The following MKLN1 variants were observed in gnomAD, a reference collection of about 807,000 sequenced individuals.
MKLN1 encodes the protein muskelin 1, also known as muskelin.
MKLN1 carries 18 observed loss-of-function variants against 99.0 expected under a neutral mutation model. That is an observed-to-expected ratio of 0.18 (90% confidence interval 0.13 to 0.27). MKLN1 has a LOEUF of 0.27. Among genes scored for constraint, MKLN1 ranks in the 10% least tolerant of loss-of-function variants. The pLI, the probability that MKLN1 is intolerant of heterozygous loss-of-function variation, is 1.00. For missense variants in MKLN1, 621 were observed against 875.9 expected, an observed-to-expected ratio of 0.71 and a Z score of 3.67; for synonymous variants, 288 against 293.2, an observed-to-expected ratio of 0.98 and a Z score of 0.18.
chr7:131,181,034 T>C (rs887214398), intron 2 of MKLN1, among the ~76,000 whole-genome samples: 3 of 152,314 alleles, frequency 2.0e-5, no homozygotes, highest in Non-Finnish European at 2.9e-5. Context: ...CACCATATAT[T>C]TTGGGGGTAA....
intron 3 of MKLN1, among the ~76,000 whole-genome samples, chr7:131,272,854 G>C (rs1280711934): frequency 6.6e-6 from 1 of 152,060 alleles, no homozygotes; most frequent in Non-Finnish European, 1.5e-5. Context: ...CCCCTCCCCG[G>C]GTCCCTCCCA....
intron 2 of MKLN1, among the ~76,000 whole-genome samples, chr7:131,182,289 T>A (rs1376534791): frequency 1.3e-5 from 2 of 152,228 alleles, no homozygotes; most frequent in Admixed American, 1.3e-4. Context: ...TTCCCATAGC[T>A]TTCAGGAATA....
upstream of MKLN1, among the ~76,000 whole-genome samples, chr7:131,326,592 A>G (rs4728219): frequency 0.95 from 144,887 of 152,246 alleles, 68,971 homozygotes; most frequent in East Asian, 1. Flanking sequence ...TGATCCACCC[A>G]CCTCAGCCTC....
intron 3 of MKLN1, among the ~76,000 whole-genome samples, chr7:131,204,227 G>A (rs937204065): frequency 2.0e-5 from 3 of 152,120 alleles, no homozygotes; most frequent in South Asian, 2.1e-4. Flanking sequence ...CAGCACCATC[G>A]AATCTTGGTC....
At chr7:131,442,376 C>T (rs965774579) in intron 10 of MKLN1, among the ~76,000 whole-genome samples, 1 of 152,024 alleles carries the variant, frequency 6.6e-6, no homozygotes, top group African/African-American at 2.4e-5. Context: ...GGAGTAACAC[C>T]ATCTCTACTA....
chr7:131,444,406 T>G (rs1795934051), intron 11 of MKLN1, among the ~76,000 whole-genome samples: 1 of 151,936 alleles, frequency 6.6e-6, no homozygotes, highest in Non-Finnish European at 1.5e-5. Context: ...CATGAGCCAC[T>G]GTACCTGGCC....
At chr7:131,162,583 G>A (rs1188387524) in intron 2 of MKLN1, among the ~76,000 whole-genome samples, 3 of 152,170 alleles carry the variant, frequency 2.0e-5, no homozygotes, top group Non-Finnish European at 4.4e-5. Context: ...TTCAGGCCAT[G>A]TGTATAATAT....
intron 3 of MKLN1, among the ~76,000 whole-genome samples, chr7:131,213,817 C>T (rs951958067): frequency 3.9e-5 from 6 of 152,092 alleles, no homozygotes; most frequent in African/African-American, 1.4e-4. Context: ...TTTCTTATTG[C>T]TTCGCATGAG....
chr7:131,149,850 G>A (rs1454552967), intron 2 of MKLN1, among the ~76,000 whole-genome samples: 1 of 152,152 alleles, frequency 6.6e-6, no homozygotes, highest in South Asian at 2.1e-4. Context: ...AACTTTCTCA[G>A]GTTGACCTTT....
chr7:131,154,904 C>T (rs933108850), intron 2 of MKLN1, among the ~76,000 whole-genome samples: 3 of 152,098 alleles, frequency 2.0e-5, no homozygotes, highest in African/African-American at 7.2e-5. Flanking sequence ...CAGATCACCT[C>T]CAGAAAGGTT....
chr7:131,431,779 A>T (rs1405844528), intron 9 of MKLN1, among the ~76,000 whole-genome samples: 6 of 152,202 alleles, frequency 3.9e-5, no homozygotes, highest in Admixed American at 2.0e-4. Context: ...GAAATTTCTC[A>T]TCAAGATTTG....
intron 1 of MKLN1, 84 bp downstream of exon 1, chr7:131,328,081 G>A (rs1336052325): frequency 4.0e-6 from 6 of 1,514,486 alleles, no homozygotes; most frequent in African/African-American, 2.8e-5. Context: ...GGGCAGCCGA[G>A]CCGAGAGGCC....
chr7:131,120,170 C>CTAA (rs1795341482), intron 1 of MKLN1, among the ~76,000 whole-genome samples: 1 of 76,514 alleles, frequency 1.3e-5, no homozygotes, highest in Non-Finnish European at 2.3e-5. Flanking sequence ...GACTCCATCT[C>CTAA]AAAAAAAAAA....
At chr7:131,412,667 G>T (rs905309638) in intron 7 of MKLN1, among the ~76,000 whole-genome samples, 7 of 152,150 alleles carry the variant, frequency 4.6e-5, no homozygotes, top group Admixed American at 4.6e-4. Context: ...TCATATAAGG[G>T]GGGAGGTTTT....
chr7:131,264,385 T>C (rs1797777630), intron 3 of MKLN1, among the ~76,000 whole-genome samples: 1 of 152,108 alleles, frequency 6.6e-6, no homozygotes, highest in Non-Finnish European at 1.5e-5. Flanking sequence ...AAATTTAGAG[T>C]AAGGAAAAAC....
At chr7:131,362,167 G>A (rs867251210) in intron 1 of MKLN1, among the ~76,000 whole-genome samples, 33 of 151,956 alleles carry the variant, frequency 2.2e-4, no homozygotes, top group African/African-American at 7.7e-4. Flanking sequence ...ATACAGTCAC[G>A]TGTTGCTTAA....
At chr7:131,347,247 G>A (rs1027847715) in intron 1 of MKLN1, among the ~76,000 whole-genome samples, 7 of 152,254 alleles carry the variant, frequency 4.6e-5, no homozygotes, top group Non-Finnish European at 7.3e-5. Flanking sequence ...GAAGTCATTA[G>A]TTTGAACAGC....
intron 12 of MKLN1, 52 bp downstream of exon 12, chr7:131,445,955 A>G: frequency 1.6e-6 from 2 of 1,250,282 alleles, no homozygotes; most frequent in Non-Finnish European, 2.2e-6. Context: ...TTTAGGTAGA[A>G]AACTGCAGTT....
At chr7:131,345,044 G>A (rs1799515660) in intron 1 of MKLN1, among the ~76,000 whole-genome samples, 3 of 152,142 alleles carry the variant, frequency 2.0e-5, no homozygotes, top group Non-Finnish European at 2.9e-5. Flanking sequence ...GACCTCAGGC[G>A]ATCCACCCGC....
Sources: gnomAD v4.1 joint callset for allele counts (sites outside exome capture counted in the v4.1 genomes callset) on GRCh38, gnomAD v4.1.1 for gene constraint, MANE v1.5 for transcripts, NCBI Gene and HGNC (gene_info 2026-07-23, HGNC 2026-07-21) for gene names.